Variants in ZNF577 observed in about 807,000 individuals in gnomAD.
The protein encoded by ZNF577 is zinc finger protein 577.
Under a neutral mutation model 13.9 loss-of-function variants are expected in ZNF577, and 14 were observed. The observed-to-expected ratio is 1.00, with a 90% CI of 0.66 to 1.57. The LOEUF (loss-of-function observed/expected upper bound fraction) is 1.57. Among genes scored for constraint, ZNF577 ranks in the 40% most tolerant of loss-of-function variants. ZNF577 has a pLI of 0.00. For missense variants in ZNF577, 555 were observed against 579.2 expected (o/e 0.96, Z 0.43); for synonymous variants, 203 against 202.9 (o/e 1.00, Z 0.00).
At chr19:51,860,878 T>C (rs1315462436) in intron 5 of ZNF577, 5 of 390,828 alleles carry the variant, frequency 1.3e-5, no homozygotes, top group Non-Finnish European at 2.4e-5. Context: ...TTCAAAGAGT[T>C]TTGACTTTCA....
chr19:51,853,457 T>G (rs911686194), intron 5 of ZNF577, among the ~76,000 whole-genome samples: 5 of 152,194 alleles, frequency 3.3e-5, no homozygotes, highest in Non-Finnish European at 5.9e-5. Flanking sequence ...AGATTTAACA[T>G]TTTTTCTCTT....
intron 5 of ZNF577, among the ~76,000 whole-genome samples, chr19:51,858,992 T>C (rs1473884313): frequency 2.0e-5 from 3 of 152,194 alleles, no homozygotes. Flanking sequence ...CGCAGATAGA[T>C]TGCATTCTCC....
chr19:51,826,454 G>A (rs2084232456), intron 9 of ZNF577, among the ~76,000 whole-genome samples: 1 of 152,154 alleles, frequency 6.6e-6, no homozygotes, highest in Admixed American at 6.5e-5. Flanking sequence ...TTAAATATAG[G>A]TTCGATTTCT....
intron 9 of ZNF577, among the ~76,000 whole-genome samples, chr19:51,831,404 A>G (rs2084260479): frequency 6.6e-6 from 1 of 152,192 alleles, no homozygotes; most frequent in Non-Finnish European, 1.5e-5. Flanking sequence ...AGCATGAGCC[A>G]CTGCACCCGG....
chr19:51,851,449 A>C (rs1434976974), intron 5 of ZNF577, among the ~76,000 whole-genome samples: 3 of 152,208 alleles, frequency 2.0e-5, no homozygotes, highest in Non-Finnish European at 4.4e-5. Flanking sequence ...CAGTGTAAAT[A>C]ATTGTTGAAT....
At chr19:51,811,421 A>G (rs571283593) in intron 10 of ZNF577, 6 of 152,286 alleles carry the variant, frequency 3.9e-5, no homozygotes, top group Admixed American at 1.3e-4. Flanking sequence ...AAAACTTCCC[A>G]TTCCCAGTAC....
chr19:51,877,565 T>TG, intron 4 of ZNF577, 188 bp from the exon 5 acceptor site: 1 of 451,570 alleles, frequency 2.2e-6, no homozygotes. Context: ...CCCATACCCA[T>TG]TAGGATGGCT....
intron 5 of ZNF577, among the ~76,000 whole-genome samples, chr19:51,848,371 G>A (rs953943567): frequency 2.0e-5 from 3 of 152,208 alleles, no homozygotes; most frequent in Admixed American, 6.5e-5. Flanking sequence ...CAGCTAAGAC[G>A]CGGAAGACGC....
chr19:51,838,581 ATATT>A (rs1402828497), intron 9 of ZNF577, among the ~76,000 whole-genome samples: 1 of 147,738 alleles, frequency 6.8e-6, no homozygotes, highest in Admixed American at 6.8e-5. Context: ...AATTATATAA[ATATT>A]TATATATAAG....
intron 5 of ZNF577, chr19:51,860,805 C>G (rs2084489560): frequency 6.7e-6 from 2 of 296,764 alleles, no homozygotes; most frequent in South Asian, 5.7e-5. Flanking sequence ...TAAACATTAA[C>G]TGGGAAGACT....
Position 51,872,279 on chromosome 19 carries a change from A to G in ZNF577, c.*253T>C. The G allele has an allele frequency of 2.9e-6, 1 of 347,204 alleles. No homozygotes were observed. The highest frequency in any genetic ancestry group is 6.1e-5 in the South Asian group (1 of 16,412). The allele number at this position is 347,204 out of a possible 1,614,324, so 21.5% of individuals were successfully genotyped here. On this transcript the variant is annotated 3_prime_UTR_variant, in exon 6 of 6. Transcript: ENST00000638348. ...AATTTAGCGCTAAAAGCACCATCAC[A>G]ATCTTTCATAAATATTCCTGTAAGA...
chr19:51,849,125 A>C (rs1196494014), intron 5 of ZNF577, among the ~76,000 whole-genome samples: 1 of 152,180 alleles, frequency 6.6e-6, no homozygotes, highest in Admixed American at 6.5e-5. Flanking sequence ...CTATTTCCAC[A>C]GTTTGGGGAA....
chr19:51,812,268 A>G (rs1272319427), intron 9 of ZNF577, among the ~76,000 whole-genome samples: 1 of 152,218 alleles, frequency 6.6e-6, no homozygotes, highest in Non-Finnish European at 1.5e-5. Flanking sequence ...CAATAATTAA[A>G]ATTTGTTAAA....
intron 6 of ZNF577, among the ~76,000 whole-genome samples, chr19:51,844,032 T>C (rs1428234726): frequency 6.7e-6 from 1 of 148,790 alleles, no homozygotes; most frequent in African/African-American, 2.5e-5. Context: ...TTCCTTAAGA[T>C]ACTCGATAGC....
exon 11 of ZNF577, chr19:51,805,011 A>G (rs2084048873): frequency 6.6e-6 from 1 of 152,236 alleles, no homozygotes; most frequent in Non-Finnish European, 1.5e-5. Context: ...GCTTGGCGTC[A>G]GGAAGCGATT....
At chr19:51,805,578 C>T (rs1172112277) in intron 10 of ZNF577, among the ~76,000 whole-genome samples, 2 of 152,158 alleles carry the variant, frequency 1.3e-5, no homozygotes, top group East Asian at 1.9e-4. Context: ...GCGCAATTGC[C>T]GCTGCAACTG....
At chr19:51,849,887 GAACA>G (rs1478436432) in intron 5 of ZNF577, among the ~76,000 whole-genome samples, 1 of 152,146 alleles carries the variant, frequency 6.6e-6, no homozygotes, top group Non-Finnish European at 1.5e-5. Context: ...GTCAACAAAA[GAACA>G]AACTACTGAC....
intron 6 of ZNF577, among the ~76,000 whole-genome samples, chr19:51,844,357 G>A (rs374230985): frequency 1.3e-5 from 2 of 152,092 alleles, no homozygotes; most frequent in Non-Finnish European, 1.5e-5. Context: ...AAACTGAAGA[G>A]GAAGAGGAAG....
intron 9 of ZNF577, among the ~76,000 whole-genome samples, chr19:51,830,276 A>T (rs914028564): frequency 6.6e-6 from 1 of 152,202 alleles, no homozygotes; most frequent in Non-Finnish European, 1.5e-5. Flanking sequence ...CAGCATATAC[A>T]TCTGTTCTCT....
Sources: allele counts gnomAD v4.1 joint callset (sites outside exome capture counted in the v4.1 genomes callset), GRCh38; gene constraint gnomAD v4.1.1; transcripts MANE v1.5; gene names NCBI Gene and HGNC (gene_info 2026-07-23, HGNC 2026-07-21).